RSRC2: variants seen among roughly 807,000 people sequenced by gnomAD.
RSRC2 encodes the protein arginine/serine-rich coiled-coil protein 2.
RSRC2 carries 5 observed loss-of-function variants against 61.3 expected under a neutral mutation model. The observed-to-expected ratio is 0.08, with a 90% confidence interval of 0.04 to 0.17. The LOEUF (loss-of-function observed/expected upper bound fraction) is 0.17, where lower values mean the gene tolerates loss of function less well. Among genes scored for constraint, RSRC2 ranks in the 10% least tolerant of loss-of-function variants. The pLI is 1.00. For synonymous variants in RSRC2, 202 were observed against 166.5 expected (o/e 1.21, Z -1.64); for missense variants, 381 against 518.8 (o/e 0.73, Z 2.58).
intron 3 of RSRC2, chr12:122,519,565 G>A (rs1959166610): frequency 6.5e-6 from 1 of 154,046 alleles, no homozygotes; most frequent in African/African-American, 2.4e-5. Flanking sequence ...TCCTCTAAAA[G>A]ACAGCTCTTG....
At chr12:122,512,968 A>C (rs1163075171) in intron 6 of RSRC2, among the ~76,000 whole-genome samples, 1 of 151,922 alleles carries the variant, frequency 6.6e-6, no homozygotes, top group African/African-American at 2.4e-5. Context: ...CAAGGTGGGA[A>C]GACTGCTTGA....
intron 1 of RSRC2, chr12:122,523,761 C>T (rs1054092019): frequency 2.0e-5 from 3 of 152,224 alleles, no homozygotes; most frequent in African/African-American, 7.2e-5. Context: ...GTATCAAGTA[C>T]AATAAATGGG....
rs567288592 is a variant in RSRC2 at position 122,524,560 on chromosome 12, GGAC to G, written c.7-2264_7-2262del. On this transcript the variant is annotated intron_variant, in intron 1 of 9. Transcript: ENST00000331738. ...ACTTCATGCTTAACATCACAAAGCT[GGAC>G]AACAGAGAAACCTCCCTGTGACATA... 7.2e-5 allele frequency among the ~76,000 whole-genome samples: 11 copies of G among 152,158 alleles called. No individual in the cohort carries two copies. The East Asian group carries it at 1.9e-3, about 27-fold the overall frequency.
At chr12:122,517,733 T>G (rs1302340756) in intron 4 of RSRC2, among the ~76,000 whole-genome samples, 1 of 152,112 alleles carries the variant, frequency 6.6e-6, no homozygotes, top group Non-Finnish European at 1.5e-5. Flanking sequence ...TCTTAATACT[T>G]TAGTTTATCT....
chr12:122,515,979 ACT>A (rs1441724041), intron 5 of RSRC2, among the ~76,000 whole-genome samples: 3 of 151,964 alleles, frequency 2.0e-5, no homozygotes, highest in East Asian at 1.9e-4. Flanking sequence ...ACAGAGTGAG[ACT>A]CTGTCTCAAA....
intron 6 of RSRC2, among the ~76,000 whole-genome samples, chr12:122,511,785 T>C (rs928109708): frequency 1.3e-5 from 2 of 150,950 alleles, no homozygotes; most frequent in African/African-American, 2.4e-5. Flanking sequence ...ACTAGTAACA[T>C]GAAACACAAA....
intron 2 of RSRC2, among the ~76,000 whole-genome samples, chr12:122,521,657 G>A (rs1450818179): frequency 2.6e-5 from 4 of 152,078 alleles, no homozygotes; most frequent in Non-Finnish European, 5.9e-5. Context: ...CTTTTAAACG[G>A]TCATAGACTT....
chr12:122,524,073 G>T (rs190629311), intron 1 of RSRC2, among the ~76,000 whole-genome samples: 3 of 152,236 alleles, frequency 2.0e-5, no homozygotes, highest in Non-Finnish European at 4.4e-5. Flanking sequence ...TTTTTATGCT[G>T]AAAGGTTTTC....
intron 6 of RSRC2, 77 bp from the exon 7 acceptor site, chr12:122,511,265 TAC>T (rs1446747126): frequency 1.1e-5 from 12 of 1,064,726 alleles, no homozygotes; most frequent in Non-Finnish European, 1.3e-5. Flanking sequence ...TATGTGCATG[TAC>T]AGAGACAAGC....
chr12:122,513,717 T>G (rs1958701617), intron 6 of RSRC2: 1 of 868,404 alleles, frequency 1.2e-6, no homozygotes, highest in African/African-American at 1.8e-5. Flanking sequence ...ATTGAAGATT[T>G]GGAATTAATA....
intron 1 of RSRC2, among the ~76,000 whole-genome samples, chr12:122,525,578 AACTATC>A (rs1415793583): frequency 6.6e-6 from 1 of 152,172 alleles, no homozygotes; most frequent in East Asian, 1.9e-4. Flanking sequence ...CAAACTTTAA[AACTATC>A]ACTATGTTTA....
Position 122,517,268 on chromosome 12 carries a change from C to T in RSRC2, c.561G>A (p.Arg187=). 1 of 1,614,102 alleles carries T rather than the reference C, an allele frequency of 6.2e-7. No individual in the cohort carries two copies. Among genetic ancestry groups the T allele is most frequent in the Non-Finnish European group, 8.5e-7 (1 of 1,180,018 alleles). ...TCCTACTCCTGCTTCTAGTCCTATG[C>T]CTGTGTCTTGATCTTGAGCGGGAAC... ...RSRSRSRSRH[R]HRTRSRSRTR... The change falls in exon 5 of 10, where the codon AGG becomes AGA. Residue 187 remains arginine (R), a synonymous_variant. Transcript: ENST00000331738.
chr12:122,512,726 CA>C (rs575681568), intron 6 of RSRC2, among the ~76,000 whole-genome samples: 7,741 of 83,216 alleles, frequency 0.093, 243 homozygotes, highest in Non-Finnish European at 0.13. Context: ...GACTTCATCT[CA>C]AAAAAAAAAA....
chr12:122,508,438 G>C lies in RSRC2; in HGVS notation c.815C>G (p.Thr272Ser), dbSNP rs1167663981. The C allele has an allele frequency of 6.2e-7, 1 of 1,613,582 alleles. No homozygotes were observed. The highest frequency in any genetic ancestry group is 8.5e-7 in the Non-Finnish European group (1 of 1,179,572). Residue 272 changes from threonine (T) to serine (S), a missense_variant, in exon 8 of 10, where the codon ACT becomes AGT. Thr to Ser is a moderately conservative substitution (Grantham distance 58). Around this residue, in one of 4 missense-constraint regions of RSRC2, gnomAD observed 26 missense variants for 27.5 expected, o/e 0.95. Transcript: ENST00000331738. ...KQQEIAAAAA[T>S]GGSVLNVAAL... Reference sequence around the variant, plus strand: ...AGCAACATTGAGAACAGAACCTCCAGTAGCTGCAGCTGCTTGAAGAGAATA... The same window carrying C: ...AGCAACATTGAGAACAGAACCTCCACTAGCTGCAGCTGCTTGAAGAGAATA...
rs990594092 is a variant in RSRC2 at position 122,505,384 on chromosome 12, A to AT, written c.*142dup. 3 of 703,480 alleles carry AT rather than the reference A, an allele frequency of 4.3e-6. No individual in the cohort carries two copies. Among genetic ancestry groups the AT allele is most frequent in the Non-Finnish European group, 2.3e-6 (1 of 435,186 alleles). 43.6% of individuals were successfully genotyped at this position (703,480 alleles called of 1,614,324 possible). ...CACTAACACCAGTATCACTGATCTG[A>AT]TATTTACAAAAATTTGTATTTTTCA... is the stretch of plus-strand genomic sequence containing the variant. On this transcript the variant is annotated 3_prime_UTR_variant, in exon 10 of 10. Coordinates refer to ENST00000331738, the MANE Select transcript of RSRC2 (RefSeq NM_023012.6).
At chr12:122,513,945 T>C in intron 6 of RSRC2, 1 of 247,696 alleles carries the variant, frequency 4.0e-6, no homozygotes, top group Non-Finnish European at 6.4e-6. Flanking sequence ...GGTGGGAGGA[T>C]TGCTTGGGCC....
At chr12:122,523,865 C>T (rs1959631074) in intron 1 of RSRC2, 1 of 152,078 alleles carries the variant, frequency 6.6e-6, no homozygotes, top group African/African-American at 2.4e-5. Context: ...CAATGCTAGA[C>T]TTAGGGAATA....
At chr12:122,516,975 T>C (rs1401108831) in intron 5 of RSRC2, among the ~76,000 whole-genome samples, 2 of 152,180 alleles carry the variant, frequency 1.3e-5, no homozygotes, top group African/African-American at 4.8e-5. Flanking sequence ...CCACGACACC[T>C]AGCCAACAAC....
chr12:122,505,733 A>C, intron 9 of RSRC2, 27 bp from the exon 10 acceptor site: 1 of 1,566,308 alleles, frequency 6.4e-7, no homozygotes, highest in South Asian at 1.1e-5. Flanking sequence ...AAACATTACA[A>C]TGAATTCAGA....
Sources: allele counts gnomAD v4.1 joint callset (sites outside exome capture counted in the v4.1 genomes callset), GRCh38; gene constraint gnomAD v4.1.1; regional missense constraint gnomAD v4.1.1; transcripts MANE v1.5; gene names NCBI Gene and HGNC (gene_info 2026-07-23, HGNC 2026-07-21).